The following NBN variants were observed in gnomAD, a reference collection of about 807,000 sequenced individuals.
The protein encoded by NBN is Nijmegen breakage syndrome 1 (nibrin).
In NBN, 88 loss-of-function variants were observed where a neutral mutation model predicts 90.8. That is an observed-to-expected ratio of 0.97 (90% CI 0.82 to 1.16). The LOEUF (loss-of-function observed/expected upper bound fraction) is 1.16, where lower values mean the gene tolerates loss of function less well. Ranked by LOEUF, NBN falls within the 50% of genes most tolerant of loss-of-function variation. NBN has a pLI of 0.00. For missense variants in NBN, 894 were observed against 869.6 expected (o/e 1.03, Z -0.35); for synonymous variants, 328 against 295.1 (o/e 1.11, Z -1.14).
At chr8:89,971,409 T>C in intron 5 of NBN, 119 bp from the exon 6 acceptor site, 1 of 1,190,056 alleles carries the variant, frequency 8.4e-7, no homozygotes, top group South Asian at 1.7e-5. Context: ...TTATAGTATT[T>C]TTTTTAAGTA....
intron 7 of NBN, among the ~76,000 whole-genome samples, chr8:89,967,056 T>G (rs367954662): frequency 1.3e-5 from 2 of 152,250 alleles, no homozygotes; most frequent in South Asian, 2.1e-4. Flanking sequence ...CATTTCATTA[T>G]GACATCGGCA....
At chr8:89,964,087 T>C (rs969948527) in intron 8 of NBN, among the ~76,000 whole-genome samples, 3 of 152,214 alleles carry the variant, frequency 2.0e-5, no homozygotes, top group Non-Finnish European at 4.4e-5. Flanking sequence ...CACTATTACA[T>C]ACATCACCTT....
intron 1 of NBN, 126 bp from the exon 2 acceptor site, chr8:89,982,981 T>C: frequency 9.7e-7 from 1 of 1,033,784 alleles, no homozygotes; most frequent in Non-Finnish European, 1.4e-6. Context: ...ACCTTTGTTA[T>C]TCAAATGTTA....
At chr8:89,943,179 G>C in intron 14 of NBN, 74 bp downstream of exon 14, 14 of 1,491,884 alleles carry the variant, frequency 9.4e-6, no homozygotes, top group Non-Finnish European at 1.2e-5. Context: ...GTTTTAAGAA[G>C]AATTTGCTTG....
intron 14 of NBN, among the ~76,000 whole-genome samples, chr8:89,939,595 A>C (rs770846172): frequency 2.6e-5 from 4 of 152,220 alleles, no homozygotes; most frequent in Non-Finnish European, 4.4e-5. Context: ...AGCTGTAAAA[A>C]GAACCAAATG....
Position 89,949,738 on chromosome 8 carries a change from T to C in NBN, c.1846-1846A>G, listed in dbSNP as rs186490471. Among the ~76,000 whole-genome samples the C allele has an allele frequency of 4.6e-5, 7 of 152,274 alleles. No individual in the cohort carries two copies. The East Asian group carries it at 1.2e-3, about 25-fold the overall frequency. ...TATTGGAAAGTGCCTTTCTGAAATA[T>C]AGCTAGGGATTCCAACACCAAAGAG... On this transcript the variant is annotated intron_variant, in intron 11 of 15. Coordinates refer to ENST00000265433, the MANE Select transcript of NBN (RefSeq NM_002485.5).
Position 89,984,624 on chromosome 8 carries a change from G to A in NBN, c.-63C>T. ...GCGTAACCGGGGCTGCTAGACGAGC[G>A]CGGATACGGCGCCTGCGGTCGGCAT... On this transcript the variant is annotated 5_prime_UTR_variant, in exon 1 of 16. Transcript: ENST00000265433. 3 of 1,597,436 alleles carry A rather than the reference G, an allele frequency of 1.9e-6. No homozygotes were observed. The highest frequency in any genetic ancestry group is 1.3e-5 in the African/African-American group (1 of 74,632).
intron 5 of NBN, among the ~76,000 whole-genome samples, chr8:89,975,564 T>C (rs1244478825): frequency 1.3e-5 from 2 of 152,250 alleles, no homozygotes; most frequent in Non-Finnish European, 2.9e-5. Flanking sequence ...TATGGGTTAA[T>C]AGGATAAATA....
intron 12 of NBN, among the ~76,000 whole-genome samples, 169 bp downstream of exon 12, chr8:89,947,650 TAAATA>T (rs1372352090): frequency 6.6e-6 from 1 of 151,388 alleles, no homozygotes; most frequent in Non-Finnish European, 1.5e-5. Flanking sequence ...AATAAACAAA[TAAATA>T]AAATAATAAT....
chr8:89,979,593 T>A (rs1338460761), intron 4 of NBN, among the ~76,000 whole-genome samples: 1 of 152,208 alleles, frequency 6.6e-6, no homozygotes, highest in Non-Finnish European at 1.5e-5. Flanking sequence ...AAATTCCTTT[T>A]TGGCTCTAAC....
At chr8:89,971,919 T>C (rs896964471) in intron 5 of NBN, among the ~76,000 whole-genome samples, 3 of 152,240 alleles carry the variant, frequency 2.0e-5, no homozygotes, top group African/African-American at 7.2e-5. Context: ...CAGATAATTC[T>C]TAAGCCTCTC....
intron 11 of NBN, 48 bp downstream of exon 11, chr8:89,953,196 C>T: frequency 7.4e-7 from 1 of 1,354,006 alleles, no homozygotes; most frequent in South Asian, 1.2e-5. Context: ...TACCTGTTAG[C>T]ATTCTAAGCT....
At chr8:89,960,376 C>T (rs750246393) in intron 8 of NBN, among the ~76,000 whole-genome samples, 7 of 150,978 alleles carry the variant, frequency 4.6e-5, no homozygotes, top group African/African-American at 1.5e-4. Context: ...AATGTAGGCT[C>T]GGTGAGGTGG....
intron 7 of NBN, among the ~76,000 whole-genome samples, chr8:89,969,807 C>T (rs1161756926): frequency 1.3e-5 from 2 of 152,036 alleles, no homozygotes; most frequent in Admixed American, 6.6e-5. Flanking sequence ...CAAAAATTAG[C>T]TGGGTGTGGT....
chr8:89,966,806 G>A (rs1418061967), intron 7 of NBN, among the ~76,000 whole-genome samples: 2 of 152,202 alleles, frequency 1.3e-5, no homozygotes, highest in Admixed American at 1.3e-4. Flanking sequence ...TTAAGACAAT[G>A]TGGTATTGGT....
intron 14 of NBN, among the ~76,000 whole-genome samples, chr8:89,941,532 T>C (rs1206742382): frequency 6.6e-6 from 1 of 152,192 alleles, no homozygotes; most frequent in African/African-American, 2.4e-5. Context: ...AAATAAAATA[T>C]CTTGGAGGGA....
At chr8:89,941,670 A>G (rs1350379271) in intron 14 of NBN, among the ~76,000 whole-genome samples, 4 of 152,156 alleles carry the variant, frequency 2.6e-5, no homozygotes, top group Admixed American at 2.6e-4. Context: ...AATATTGTTC[A>G]CTTAACTGTT....
chr8:89,981,430 G>A lies in NBN; in HGVS notation c.265C>T (p.Arg89Ter), dbSNP rs1057516320. ...NEEKMQNGFS[R>*]TLKSGDGITF... ...ATACCATCCCCCGACTTCAAAGTTC[G>A]GGAAAAGCCATTCTGCATTTTTTCC... Residue 89 changes from arginine (R) to a stop codon, truncating the protein, a stop_gained, in exon 3 of 16, where the codon CGA (arginine) becomes TGA (stop). Coordinates refer to ENST00000265433, the MANE Select transcript of NBN (RefSeq NM_002485.5). LOFTEE classifies it high-confidence loss of function. 4 of 1,613,928 alleles carry A rather than the reference G, an allele frequency of 2.5e-6. No homozygotes were observed. The highest frequency in any genetic ancestry group is 2.2e-5 in the South Asian group (2 of 91,076).
chr8:89,947,838 C>A lies in NBN; in HGVS notation c.1900G>T (p.Ala634Ser). 1 of 1,576,862 alleles carries A rather than the reference C, an allele frequency of 6.3e-7. No homozygotes were observed. The highest frequency in any genetic ancestry group is 1.1e-5 in the South Asian group (1 of 88,828). ...RELKEDSLWS[A>S]KEISNNDKLQ... is the part of the protein sequence containing the mutation. ...ACGTTTCTCACAGATATTTCTTTAG[C>A]TGACCATAGTGAGTCTTCCTTGAGT... Residue 634 changes from alanine (A) to serine (S), a missense_variant, in exon 12 of 16, where the codon GCT (alanine) becomes TCT (serine). By Grantham distance (99) the Ala-to-Ser change is moderately conservative (BLOSUM62 1). Transcript: ENST00000265433.
Sources: allele counts gnomAD v4.1 joint callset (sites outside exome capture counted in the v4.1 genomes callset), GRCh38; gene constraint gnomAD v4.1.1; transcripts MANE v1.5; gene names NCBI Gene and HGNC (gene_info 2026-07-23, HGNC 2026-07-21).